GPC5: variants seen among roughly 807,000 people sequenced by gnomAD.
The protein encoded by GPC5 is glypican 5, also known as glypican-5.
Under a neutral mutation model 53.9 loss-of-function variants are expected in GPC5, and 47 were observed. That is an observed-to-expected ratio of 0.87 (90% CI 0.69 to 1.11). The LOEUF (loss-of-function observed/expected upper bound fraction) is 1.11, where lower values mean the gene tolerates loss of function less well. Among genes scored for constraint, GPC5 ranks in the 50% most tolerant of loss-of-function variants. The pLI, the probability that GPC5 is intolerant of heterozygous loss-of-function variation, is 0.00. For missense variants in GPC5, 748 were observed against 713.1 expected, an observed-to-expected ratio of 1.05 and a Z score of -0.56; for synonymous variants, 286 against 263.3, an observed-to-expected ratio of 1.09 and a Z score of -0.84.
chr13:92,071,607 A>G (rs1049621447), intron 6 of GPC5, among the ~76,000 whole-genome samples: 1 of 151,954 alleles, frequency 6.6e-6, no homozygotes, highest in African/African-American at 2.4e-5. Flanking sequence ...TTATATGTCA[A>G]TTCTTCCACT....
intron 6 of GPC5, among the ~76,000 whole-genome samples, chr13:92,141,913 T>C (rs1231990120): frequency 1.3e-5 from 2 of 152,130 alleles, no homozygotes; most frequent in Admixed American, 6.6e-5. Context: ...TTCCTTGCCA[T>C]AGGACCTTTG....
intron 4 of GPC5, among the ~76,000 whole-genome samples, chr13:91,752,158 T>C (rs942954610): frequency 2.6e-5 from 4 of 152,208 alleles, no homozygotes; most frequent in Non-Finnish European, 5.9e-5. Context: ...CCAGTCATAT[T>C]GGATTAGCAT....
intron 7 of GPC5, among the ~76,000 whole-genome samples, chr13:92,674,588 AGCTCTTCTTGAAGCAAG>A (rs1886870165): frequency 1.6e-5 from 1 of 62,242 alleles, no homozygotes. Flanking sequence ...AGCTTCATGA[AGCTCTTCTTGAAGCAAG>A]AGCTCATGGA....
At chr13:92,649,822 A>G (rs1885895642) in intron 7 of GPC5, among the ~76,000 whole-genome samples, 1 of 152,252 alleles carries the variant, frequency 6.6e-6, no homozygotes, top group East Asian at 1.9e-4. Flanking sequence ...CTTAAAACGT[A>G]ATTTCCTTAA....
chr13:91,736,609 A>G (rs1434428964), intron 4 of GPC5, among the ~76,000 whole-genome samples: 1 of 151,500 alleles, frequency 6.6e-6, no homozygotes, highest in Middle Eastern at 3.2e-3. Flanking sequence ...ATTACTTAAA[A>G]AAATAGACAA....
chr13:92,364,400 A>T (rs7325201), intron 7 of GPC5, among the ~76,000 whole-genome samples: 43,950 of 151,606 alleles, frequency 0.29, 7,008 homozygotes, highest in South Asian at 0.4. Flanking sequence ...TGAGATTATG[A>T]CATATTTGTA....
intron 7 of GPC5, among the ~76,000 whole-genome samples, chr13:92,316,001 C>T (rs1329252060): frequency 6.6e-6 from 1 of 152,022 alleles, no homozygotes; most frequent in African/African-American, 2.4e-5. Context: ...TTAAATAATT[C>T]CCCACTTTAA....
chr13:92,838,485 C>T (rs1455964208), intron 7 of GPC5, among the ~76,000 whole-genome samples: 3 of 145,622 alleles, frequency 2.1e-5, no homozygotes, highest in South Asian at 4.6e-4. Flanking sequence ...TCCGCGCCCC[C>T]CCCAAAAAAA....
At chr13:91,934,540 G>A (rs1371103616) in intron 6 of GPC5, among the ~76,000 whole-genome samples, 3 of 151,870 alleles carry the variant, frequency 2.0e-5, no homozygotes, top group Non-Finnish European at 2.9e-5. Context: ...TTAAAAAACT[G>A]GATGTCTTCC....
At chr13:91,521,306 T>G (rs1382388065) in intron 2 of GPC5, among the ~76,000 whole-genome samples, 1 of 152,220 alleles carries the variant, frequency 6.6e-6, no homozygotes, top group African/African-American at 2.4e-5. Context: ...TCTCTGCTTT[T>G]CATTTAAGTT....
chr13:92,828,881 T>A (rs2138818623), intron 7 of GPC5, among the ~76,000 whole-genome samples: 1 of 152,278 alleles, frequency 6.6e-6, no homozygotes, highest in South Asian at 2.1e-4. Context: ...ATACTGCCTG[T>A]TGGATACAAT....
intron 6 of GPC5, among the ~76,000 whole-genome samples, chr13:91,950,988 T>A (rs1327535002): frequency 6.6e-6 from 1 of 152,088 alleles, no homozygotes; most frequent in Non-Finnish European, 1.5e-5. Context: ...ACTCCTCCAA[T>A]GGAAAAAACT....
At chr13:91,433,862 G>T (rs555255188) in intron 1 of GPC5, among the ~76,000 whole-genome samples, 1 of 151,844 alleles carries the variant, frequency 6.6e-6, no homozygotes, top group South Asian at 2.1e-4. Context: ...TCCAGCACCT[G>T]TTGTTTCCTG....
chr13:91,426,885 C>T (rs1283745946), intron 1 of GPC5, among the ~76,000 whole-genome samples: 1 of 152,144 alleles, frequency 6.6e-6, no homozygotes, highest in Non-Finnish European at 1.5e-5. Context: ...TCAATCCAGT[C>T]AAGTTGCCAC....
At chr13:92,097,224 T>A (rs1410901908) in intron 6 of GPC5, among the ~76,000 whole-genome samples, 2 of 152,168 alleles carry the variant, frequency 1.3e-5, no homozygotes, top group Non-Finnish European at 2.9e-5. Context: ...ACACATAAAT[T>A]GTACATTTAG....
intron 7 of GPC5, among the ~76,000 whole-genome samples, chr13:92,843,213 C>G (rs1432754852): frequency 6.6e-6 from 1 of 152,146 alleles, no homozygotes; most frequent in Non-Finnish European, 1.5e-5. Context: ...TTAACCACCC[C>G]AATTTGTATC....
intron 7 of GPC5, among the ~76,000 whole-genome samples, chr13:92,527,784 A>G (rs1360908429): frequency 6.6e-6 from 1 of 152,120 alleles, no homozygotes. Context: ...ATTTTTCTTA[A>G]CTTTGATTCA....
chr13:92,534,220 A>G (rs185806213), intron 7 of GPC5, among the ~76,000 whole-genome samples: 1 of 152,184 alleles, frequency 6.6e-6, no homozygotes, highest in Non-Finnish European at 1.5e-5. Context: ...CTGGGAGGAA[A>G]AGGTTGCAGT....
At chr13:91,567,423 A>T (rs1437741562) in intron 2 of GPC5, among the ~76,000 whole-genome samples, 1 of 152,196 alleles carries the variant, frequency 6.6e-6, no homozygotes, top group East Asian at 1.9e-4. Context: ...AAGGGGGATT[A>T]ACACAGAGGT....
Sources: allele counts gnomAD v4.1 joint callset (sites outside exome capture counted in the v4.1 genomes callset), GRCh38; gene constraint gnomAD v4.1.1; transcripts MANE v1.5; gene names NCBI Gene and HGNC (gene_info 2026-07-23, HGNC 2026-07-21).